The following QSOX2 variants were observed in gnomAD, a reference collection of about 807,000 sequenced individuals.
QSOX2 encodes sulfhydryl oxidase 2.
In QSOX2, 46 loss-of-function variants were observed where a neutral mutation model predicts 61.7. That is an observed-to-expected ratio of 0.75 (90% confidence interval 0.59 to 0.95). The LOEUF (loss-of-function observed/expected upper bound fraction) is 0.95. Among genes scored for constraint, QSOX2 ranks in the 40% least tolerant of loss-of-function variants. The pLI is 0.00. For missense variants in QSOX2, 879 were observed against 918.9 expected (o/e 0.96, Z 0.56); for synonymous variants, 383 against 388.4 (o/e 0.99, Z 0.16).
intron 10 of QSOX2, among the ~76,000 whole-genome samples, chr9:136,213,735 A>T (rs1230731223): frequency 6.6e-6 from 1 of 152,188 alleles, no homozygotes; most frequent in Non-Finnish European, 1.5e-5. Context: ...ATGCGGCAGA[A>T]GTAATAATAT....
chr9:136,209,211 G>A lies in QSOX2; in HGVS notation c.1614C>T (p.Ala538=). ...LQWPTPDLCP[A]CHEEIKGLAS... ...CCAGGCCCTTAATTTCCTCATGGCA[G>A]GCTGGGCAGAGGTCCGGAGTGGGCC... is the stretch of plus-strand genomic sequence containing the variant. The change falls in exon 12 of 12, where the codon GCC becomes GCT. Residue 538 remains alanine, a synonymous_variant. Coordinates refer to ENST00000358701, the MANE Select transcript of QSOX2 (RefSeq NM_181701.4). This position sits in a 1 kb window ranked among gnomAD's most constrained non-coding sequence, Gnocchi z 5.6. 3.7e-6 allele frequency: 6 copies of A among 1,614,168 alleles called. No homozygotes were observed. Among genetic ancestry groups the A allele is most frequent in the Non-Finnish European group, 4.2e-6 (5 of 1,180,048 alleles).
At chr9:136,213,870 C>T (rs1047942045) in intron 10 of QSOX2, among the ~76,000 whole-genome samples, 2 of 152,172 alleles carry the variant, frequency 1.3e-5, no homozygotes, top group Non-Finnish European at 2.9e-5. Context: ...TGCCACCAGA[C>T]GAAGGCAGAC....
intron 2 of QSOX2, 24 bp downstream of exon 2, chr9:136,226,750 G>T: frequency 6.3e-7 from 1 of 1,589,314 alleles, no homozygotes; most frequent in Non-Finnish European, 8.6e-7. Context: ...AATTTCAACG[G>T]ACAAGCAGCC....
At chr9:136,234,566 G>A (rs77942206) in intron 1 of QSOX2, among the ~76,000 whole-genome samples, 1 of 152,198 alleles carries the variant, frequency 6.6e-6, no homozygotes, top group East Asian at 1.9e-4. Flanking sequence ...GGAGAAAAAA[G>A]TGACAGAGTT....
chr9:136,235,763 A>C (rs1830375616), intron 1 of QSOX2, among the ~76,000 whole-genome samples: 1 of 152,338 alleles, frequency 6.6e-6, no homozygotes, highest in African/African-American at 2.4e-5. Context: ...TGGTGGCTAC[A>C]GAGGCAGCAT....
At chr9:136,224,182 ACAGCAGCCCCGTCC>A (rs2131058705) in intron 3 of QSOX2, 70 bp from the exon 4 acceptor site, 1 of 1,247,620 alleles carries the variant, frequency 8.0e-7, no homozygotes, top group South Asian at 1.3e-5. Context: ...ACACCCAGGG[ACAGCAGCCCCGTCC>A]CAGCCTGGGG....
chr9:136,225,902 C>T (rs998362678), intron 2 of QSOX2, among the ~76,000 whole-genome samples: 13 of 152,240 alleles, frequency 8.5e-5, no homozygotes, highest in African/African-American at 2.7e-4. Context: ...CAAAATACAA[C>T]AGGAAGCCAT....
chr9:136,224,176 C>T (rs1196293865), intron 3 of QSOX2, 64 bp from the exon 4 acceptor site: 5 of 1,305,134 alleles, frequency 3.8e-6, no homozygotes, highest in Non-Finnish European at 5.5e-6. Context: ...AGGCATACAC[C>T]CAGGGACAGC....
chr9:136,212,598 A>T (rs1406185024), intron 10 of QSOX2, among the ~76,000 whole-genome samples: 1 of 152,264 alleles, frequency 6.6e-6, no homozygotes, highest in Non-Finnish European at 1.5e-5. Flanking sequence ...GCGGTGTCTC[A>T]GATGGGACCG....
chr9:136,245,505 G>C lies in QSOX2; in HGVS notation c.299C>G (p.Thr100Ser). Residue 100 changes from threonine to serine, a missense_variant, in exon 1 of 12, where the codon ACT becomes AGT. Thr to Ser is a moderately conservative substitution (Grantham distance 58). Transcript: ENST00000358701. ...CACATCCCCAGCCAGGGCCCGCCAA[G>C]TGGGCGCGTAGCCGATGCAGTGGCC... is the stretch of plus-strand genomic sequence containing the variant. Reference protein sequence around the residue: ...WCGHCIGYAPTWRALAGDVRD... With the variant: ...WCGHCIGYAPSWRALAGDVRD... 6.3e-7 allele frequency: 1 copy of C among 1,594,034 alleles called. No individual in the cohort carries two copies. Among genetic ancestry groups the C allele is most frequent in the Non-Finnish European group, 8.5e-7 (1 of 1,177,452 alleles).
chr9:136,217,718 G>A (rs563464543), intron 8 of QSOX2, among the ~76,000 whole-genome samples: 16 of 152,342 alleles, frequency 1.1e-4, no homozygotes, highest in African/African-American at 3.1e-4. Flanking sequence ...ACAGCTGTGC[G>A]ACTCCAGCGA....
chr9:136,217,285 T>G (rs1179953072), intron 8 of QSOX2, among the ~76,000 whole-genome samples: 1 of 152,214 alleles, frequency 6.6e-6, no homozygotes, highest in Admixed American at 6.5e-5. Flanking sequence ...GGCTCTGTCT[T>G]TTTAGGAGAA....
Position 136,228,998 on chromosome 9 carries a change from C to T in QSOX2, c.329-2124G>A, listed in dbSNP as rs935132837. The stretch of plus-strand genomic sequence containing the variant: ...ACCAGACTCTGTACAAATATGAAGG[C>T]TTGTGTGTGTTAGCGGTTCAGATTG... On this transcript the variant is annotated intron_variant, in intron 1 of 11. Transcript: ENST00000358701. Among the ~76,000 whole-genome samples the T allele has an allele frequency of 3.9e-5, 6 of 152,244 alleles. No homozygotes were observed. The South Asian group carries it at 6.2e-4, about 16-fold the overall frequency.
chr9:136,228,690 C>G (rs1830304232), intron 1 of QSOX2, among the ~76,000 whole-genome samples: 1 of 152,192 alleles, frequency 6.6e-6, no homozygotes, highest in South Asian at 2.1e-4. Context: ...AGCAAATGGA[C>G]CTGCCTGGAG....
chr9:136,245,331 C>T lies in QSOX2; in HGVS notation c.328+145G>A, dbSNP rs79371389. 1,474 of 684,794 alleles carry T rather than the reference C, an allele frequency of 2.2e-3. 14 individuals are homozygous for T. In the African/African-American group the frequency reaches 0.025, roughly 12 times the overall value. 42.4% of individuals were successfully genotyped at this position (684,794 alleles called of 1,614,324 possible). A position where few individuals can be genotyped will look rare whatever the true frequency, so the allele number is the denominator to read the frequency against. ...GCCAGGGTTGGTCCGAGTCGGGTGC[C>T]TCTGTGGGGCAGGGACTGGCTCTGC... On this transcript the variant is annotated intron_variant, in intron 1 of 11. Coordinates refer to ENST00000358701, the MANE Select transcript of QSOX2 (RefSeq NM_181701.4).
rs770553291 is a variant in QSOX2, at chr9:136,209,021, C to T, written c.1804G>A (p.Gly602Arg). 3 of 1,614,060 alleles carry T rather than the reference C, an allele frequency of 1.9e-6. No individual in the cohort carries two copies. Among genetic ancestry groups the T allele is most frequent in the Non-Finnish European group, 2.5e-6 (3 of 1,179,958 alleles). The change falls in exon 12 of 12, where the codon GGA becomes AGA. Residue 602 changes from glycine to arginine, a missense_variant. Transcript: ENST00000358701. This position sits in a 1 kb window ranked among gnomAD's most constrained non-coding sequence, Gnocchi z 5.6. ...CGGACGCTCTGGGTGTCTCGGTCTC[C>T]ATGGGACACCTCTGGGGGAGTGAGT... is the stretch of plus-strand genomic sequence containing the variant. ...KRLTPPEVSHGDRDTQSVRPP... is the reference protein window; with the variant it reads ...KRLTPPEVSHRDRDTQSVRPP...
rs888233512 is a variant in QSOX2 at position 136,221,583 on chromosome 9, G to A, written c.821+213C>T. ...CACGCCAGGCTCCTCCTAGGTGCGGGGACACAGCAGTGAGAAAACAGAAAT... is the reference window on the plus strand; with the variant it reads ...CACGCCAGGCTCCTCCTAGGTGCGGAGACACAGCAGTGAGAAAACAGAAAT... On this transcript the variant is annotated intron_variant, in intron 6 of 11. Transcript: ENST00000358701. This position sits in a 1 kb window ranked among gnomAD's most constrained non-coding sequence, Gnocchi z 4.5. Among the ~76,000 whole-genome samples the A allele has an allele frequency of 6.6e-6, 1 of 152,212 alleles. No homozygotes were observed. The highest frequency in any genetic ancestry group is 2.4e-5 in the African/African-American group (1 of 41,448).
intron 1 of QSOX2, among the ~76,000 whole-genome samples, chr9:136,232,185 C>T (rs1375100814): frequency 6.6e-6 from 1 of 152,126 alleles, no homozygotes; most frequent in African/African-American, 2.4e-5. Flanking sequence ...TGAGGACCTG[C>T]CGTCTTCCTT....
intron 1 of QSOX2, among the ~76,000 whole-genome samples, chr9:136,241,393 T>C (rs1485070180): frequency 6.6e-6 from 1 of 152,196 alleles, no homozygotes; most frequent in East Asian, 1.9e-4. Flanking sequence ...ACAATGAGCC[T>C]GTGGGGAACA....
Sources: gnomAD v4.1 joint callset for allele counts (sites outside exome capture counted in the v4.1 genomes callset) on GRCh38, gnomAD v4.1.1 for gene constraint, Gnocchi (gnomAD v3.1) non-coding constraint, MANE v1.5 for transcripts, NCBI Gene and HGNC (gene_info 2026-07-23, HGNC 2026-07-21) for gene names.